The following WNT7A variants were observed in gnomAD, a reference collection of about 807,000 sequenced individuals.
WNT7A encodes protein Wnt-7a.
A neutral mutation model predicts 28.2 loss-of-function variants in WNT7A; 16 were observed. The observed-to-expected ratio is 0.57, with a 90% CI of 0.38 to 0.86. The LOEUF (loss-of-function observed/expected upper bound fraction) is 0.86. Ranked by LOEUF, WNT7A falls within the 40% of genes least tolerant of loss-of-function variation. The pLI is 0.00. For missense variants in WNT7A, 411 were observed against 489.7 expected (o/e 0.84, Z 1.52); for synonymous variants, 190 against 195.9 (o/e 0.97, Z 0.25).
intron 3 of WNT7A, among the ~76,000 whole-genome samples, chr3:13,854,237 G>A (rs957219088): frequency 6.6e-6 from 1 of 152,066 alleles, no homozygotes. Context: ...AGGGAGAAAG[G>A]CTAATTTGGT....
chr3:13,825,556 G>A (rs919944245), intron 3 of WNT7A, among the ~76,000 whole-genome samples: 2 of 152,254 alleles, frequency 1.3e-5, no homozygotes, highest in African/African-American at 4.8e-5. Context: ...GCTACCAGCA[G>A]TTTAACAATT....
chr3:13,839,811 G>A (rs576954409), intron 3 of WNT7A, among the ~76,000 whole-genome samples: 6 of 152,162 alleles, frequency 3.9e-5, no homozygotes, highest in African/African-American at 9.7e-5. Flanking sequence ...TGTTGCCCAG[G>A]GCCTGTTTTA....
At chr3:13,865,389 G>T (rs952132840) in intron 2 of WNT7A, among the ~76,000 whole-genome samples, 1 of 147,210 alleles carries the variant, frequency 6.8e-6, no homozygotes, top group Non-Finnish European at 1.5e-5. Context: ...ATGCCACAGG[G>T]GTCTTTCCTA....
At chr3:13,862,732 G>A (rs577832291) in intron 2 of WNT7A, among the ~76,000 whole-genome samples, 149 of 152,328 alleles carry the variant, frequency 9.8e-4, no homozygotes, top group African/African-American at 3.5e-3. Context: ...AGGGGTGTGT[G>A]CAAGCCCCAG....
chr3:13,821,674 T>G (rs2124826244), intron 3 of WNT7A, among the ~76,000 whole-genome samples: 1 of 152,250 alleles, frequency 6.6e-6, no homozygotes, highest in Non-Finnish European at 1.5e-5. Flanking sequence ...AGAAATGATT[T>G]CCACAGAGTG....
At chr3:13,878,776 C>A (rs73151667) in intron 1 of WNT7A, among the ~76,000 whole-genome samples, 4 of 152,158 alleles carry the variant, frequency 2.6e-5, no homozygotes, top group Non-Finnish European at 5.9e-5. Context: ...ACCTACCAAG[C>A]GGGCCCTTCA....
chr3:13,874,631 T>C (rs1695076214), intron 2 of WNT7A, among the ~76,000 whole-genome samples: 1 of 152,212 alleles, frequency 6.6e-6, no homozygotes, highest in African/African-American at 2.4e-5. Flanking sequence ...GAAATTCCTA[T>C]ATTTTAGGTG....
chr3:13,874,081 C>T (rs1419029090), intron 2 of WNT7A, among the ~76,000 whole-genome samples: 1 of 152,106 alleles, frequency 6.6e-6, no homozygotes, highest in Non-Finnish European at 1.5e-5. Flanking sequence ...CGTGGGACAG[C>T]CTGGGAGCCC....
chr3:13,864,569 C>G (rs1653552930), intron 2 of WNT7A, among the ~76,000 whole-genome samples: 1 of 152,116 alleles, frequency 6.6e-6, no homozygotes, highest in South Asian at 2.1e-4. Context: ...CCTTGACTTC[C>G]CAGTTTGTCC....
chr3:13,829,715 AG>A (rs1694247715), intron 3 of WNT7A, among the ~76,000 whole-genome samples: 1 of 152,166 alleles, frequency 6.6e-6, no homozygotes, highest in Non-Finnish European at 1.5e-5. Flanking sequence ...GAGGGAGACA[AG>A]GAGGGCAGGG....
intron 3 of WNT7A, among the ~76,000 whole-genome samples, chr3:13,820,405 GAA>G (rs36001991): frequency 0.026 from 3,726 of 143,278 alleles, 122 homozygotes; most frequent in African/African-American, 0.081. Flanking sequence ...CCTTTTTACA[GAA>G]AAAAAAAAAA....
At chr3:13,862,343 G>A (rs1007402187) in intron 2 of WNT7A, among the ~76,000 whole-genome samples, 2 of 152,194 alleles carry the variant, frequency 1.3e-5, no homozygotes, top group African/African-American at 4.8e-5. Flanking sequence ...CCATTCCACC[G>A]CCCTGTGTAG....
intron 3 of WNT7A, among the ~76,000 whole-genome samples, chr3:13,828,398 A>G (rs1414741540): frequency 6.6e-6 from 1 of 152,212 alleles, no homozygotes; most frequent in Non-Finnish European, 1.5e-5. Context: ...CCAGACCTGA[A>G]TTCATCAACC....
chr3:13,865,546 T>C (rs1694897454), intron 2 of WNT7A, among the ~76,000 whole-genome samples: 1 of 152,214 alleles, frequency 6.6e-6, no homozygotes, highest in South Asian at 2.1e-4. Context: ...AATGAAAATG[T>C]GCAGACATGA....
At chr3:13,849,948 A>G (rs1001049940) in intron 3 of WNT7A, among the ~76,000 whole-genome samples, 18 of 152,140 alleles carry the variant, frequency 1.2e-4, no homozygotes, top group Admixed American at 3.3e-4. Flanking sequence ...GGTCCCAAGA[A>G]CCCCATGTCA....
chr3:13,847,613 G>A (rs113434091), intron 3 of WNT7A, among the ~76,000 whole-genome samples: 3,495 of 152,282 alleles, frequency 0.023, 149 homozygotes, highest in African/African-American at 0.079. Flanking sequence ...GCTGAAAAAC[G>A]AAACCTGACC....
In WNT7A at chr3:13,819,160, G is replaced by A. The variant is rs765885186; in HGVS notation, c.834C>T (p.Cys278=). The A allele has an allele frequency of 3.7e-6, 6 of 1,614,196 alleles. No individual in the cohort carries two copies. Among genetic ancestry groups the A allele is most frequent in the South Asian group, 1.1e-5 (1 of 91,082 alleles). Residue 278 remains cysteine, a synonymous_variant, in exon 4 of 4, where the codon TGC becomes TGT. Coordinates refer to ENST00000285018, the MANE Select transcript of WNT7A (RefSeq NM_004625.4). ...CACTGCCGGTCACCGGGTCCTCCTC[G>A]CAGTAGTTGGGCGACTTCTCGATGT... The part of the protein sequence containing the change: ...LVYIEKSPNY[C]EEDPVTGSVG...
At chr3:13,821,260 G>T (rs1694105488) in intron 3 of WNT7A, among the ~76,000 whole-genome samples, 1 of 152,210 alleles carries the variant, frequency 6.6e-6, no homozygotes, top group Non-Finnish European at 1.5e-5. Context: ...GCTCAAAATG[G>T]ATTCTGACAA....
chr3:13,828,828 G>T (rs774436638), intron 3 of WNT7A, among the ~76,000 whole-genome samples: 1 of 152,180 alleles, frequency 6.6e-6, no homozygotes, highest in East Asian at 1.9e-4. Flanking sequence ...CAGTCTCCAC[G>T]AAAGTATGAT....
Sources: gnomAD v4.1 joint callset for allele counts (sites outside exome capture counted in the v4.1 genomes callset) on GRCh38, gnomAD v4.1.1 for gene constraint, MANE v1.5 for transcripts, NCBI Gene and HGNC (gene_info 2026-07-23, HGNC 2026-07-21) for gene names.